Variants in EFNA5 observed in about 807,000 individuals in gnomAD.
The protein encoded by EFNA5 is ephrin A5.
In EFNA5, 5 loss-of-function variants were observed where a neutral mutation model predicts 22.9. That is an observed-to-expected ratio of 0.22 (90% CI 0.11 to 0.46). The LOEUF (loss-of-function observed/expected upper bound fraction) is 0.46. EFNA5 is among the 20% of genes least tolerant of loss of function. EFNA5 has a pLI of 0.99. For synonymous variants in EFNA5, 113 were observed against 112.2 expected, an observed-to-expected ratio of 1.01 and a Z score of -0.04; for missense variants, 237 against 293.3, an observed-to-expected ratio of 0.81 and a Z score of 1.40.
intron 1 of EFNA5, among the ~76,000 whole-genome samples, chr5:107,475,548 C>T (rs1186552111): frequency 6.6e-6 from 1 of 152,142 alleles, no homozygotes; most frequent in African/African-American, 2.4e-5. Context: ...TCAAGAGATT[C>T]TAAGGCTTTC....
intron 1 of EFNA5, among the ~76,000 whole-genome samples, chr5:107,613,442 C>T (rs76257220): frequency 1.3e-5 from 2 of 151,930 alleles, no homozygotes; most frequent in African/African-American, 4.8e-5. Flanking sequence ...GATGAAAACA[C>T]CAAAACCCCG....
At chr5:107,578,785 G>A (rs1261629593) in intron 1 of EFNA5, among the ~76,000 whole-genome samples, 4 of 152,122 alleles carry the variant, frequency 2.6e-5, no homozygotes, top group Non-Finnish European at 2.9e-5. Context: ...AACATGATTC[G>A]CAAAAGGAAA....
chr5:107,454,528 G>T (rs1261794519), intron 1 of EFNA5, among the ~76,000 whole-genome samples: 3 of 151,970 alleles, frequency 2.0e-5, no homozygotes, highest in African/African-American at 7.3e-5. Flanking sequence ...AGACTAAATG[G>T]TAATTTACTT....
rs374815052 is a variant in EFNA5, at chr5:107,544,954, T to G, written c.126-117445A>C. Among the ~76,000 whole-genome samples the G allele has an allele frequency of 9.2e-5, 14 of 152,388 alleles. No individual in the cohort carries two copies. The East Asian group carries it at 2.7e-3, about 29-fold the overall frequency. The stretch of plus-strand genomic sequence containing the variant: ...TCCCACAATGTCTACACTGTCATTT[T>G]AGTTATCACTGTCTACATCCCCATC... On this transcript the variant is annotated intron_variant, in intron 1 of 4. Coordinates refer to ENST00000333274, the MANE Select transcript of EFNA5 (RefSeq NM_001962.3).
intron 1 of EFNA5, among the ~76,000 whole-genome samples, chr5:107,576,565 C>T (rs1304521045): frequency 6.6e-6 from 1 of 152,172 alleles, no homozygotes; most frequent in East Asian, 1.9e-4. Context: ...AAGACTAATT[C>T]AGATATTTTC....
In EFNA5 at chr5:107,581,372, G is replaced by A. The variant is rs904015250; in HGVS notation, c.125+89117C>T. 7.2e-5 allele frequency among the ~76,000 whole-genome samples: 11 copies of A among 152,066 alleles called. No homozygotes were observed. In the East Asian group the frequency reaches 7.7e-4, roughly 11 times the overall value. ...ATTCATTATCATGGTCCTTTACCCC[G>A]GAGACATGAAGGAATAACAAAGAGC... is the stretch of plus-strand genomic sequence containing the variant. On this transcript the variant is annotated intron_variant, in intron 1 of 4. Transcript: ENST00000333274.
intron 1 of EFNA5, among the ~76,000 whole-genome samples, chr5:107,445,342 A>T (rs1311412747): frequency 6.6e-6 from 1 of 152,140 alleles, no homozygotes; most frequent in African/African-American, 2.4e-5. Flanking sequence ...GCCATTTGAG[A>T]TATAACTTTA....
chr5:107,603,751 GAGCTGTGACTTATGTT>G (rs1415540000), intron 1 of EFNA5, among the ~76,000 whole-genome samples: 1 of 152,184 alleles, frequency 6.6e-6, no homozygotes, highest in African/African-American at 2.4e-5. Context: ...TAACCGTGAG[GAGCTGTGACTTATGTT>G]AGCAAGTGAA....
At chr5:107,533,959 C>T (rs760965271) in intron 1 of EFNA5, among the ~76,000 whole-genome samples, 10 of 152,250 alleles carry the variant, frequency 6.6e-5, no homozygotes, top group Middle Eastern at 3.4e-3. Context: ...CATTTCTATT[C>T]GGAAAGCTTT....
At chr5:107,638,419 GATCT>G (rs1476841796) in intron 1 of EFNA5, among the ~76,000 whole-genome samples, 1 of 152,138 alleles carries the variant, frequency 6.6e-6, no homozygotes. Flanking sequence ...AAGTTCAAGA[GATCT>G]ATTATACAAC....
intron 1 of EFNA5, among the ~76,000 whole-genome samples, chr5:107,461,202 C>G (rs1307647602): frequency 6.6e-6 from 1 of 152,042 alleles, no homozygotes; most frequent in Non-Finnish European, 1.5e-5. Flanking sequence ...AGCAAAAGAA[C>G]AAAGATTAAG....
chr5:107,520,008 A>AC (rs1035008076), intron 1 of EFNA5, among the ~76,000 whole-genome samples: 1 of 152,144 alleles, frequency 6.6e-6, no homozygotes, highest in African/African-American at 2.4e-5. Context: ...AAGGGGGGAA[A>AC]CAGCCCTCCA....
At chr5:107,633,718 G>A (rs1214538347) in intron 1 of EFNA5, among the ~76,000 whole-genome samples, 4 of 152,144 alleles carry the variant, frequency 2.6e-5, no homozygotes, top group Admixed American at 2.0e-4. Context: ...TGACCAATTT[G>A]GGGACAGCAG....
At chr5:107,634,351 T>C (rs1258012737) in intron 1 of EFNA5, among the ~76,000 whole-genome samples, 1 of 152,128 alleles carries the variant, frequency 6.6e-6, no homozygotes, top group Non-Finnish European at 1.5e-5. Flanking sequence ...ACCTTGTCTC[T>C]ACAAAAGATT....
At chr5:107,550,831 T>C (rs1748278249) in intron 1 of EFNA5, among the ~76,000 whole-genome samples, 1 of 152,160 alleles carries the variant, frequency 6.6e-6, no homozygotes, top group Admixed American at 6.5e-5. Context: ...GTATTCTAGG[T>C]AGACTACAGT....
intron 1 of EFNA5, among the ~76,000 whole-genome samples, chr5:107,503,382 A>T (rs1000906815): frequency 1.8e-4 from 28 of 152,342 alleles, no homozygotes; most frequent in Admixed American, 3.9e-4. Flanking sequence ...TCCACTAAAA[A>T]TCTGTCATTC....
At chr5:107,658,312 C>G (rs1371291993) in intron 1 of EFNA5, among the ~76,000 whole-genome samples, 1 of 152,164 alleles carries the variant, frequency 6.6e-6, no homozygotes, top group Non-Finnish European at 1.5e-5. Context: ...TGCTTAATAT[C>G]TTTAGACATT....
At chr5:107,554,081 T>C (rs1748356450) in intron 1 of EFNA5, among the ~76,000 whole-genome samples, 1 of 152,168 alleles carries the variant, frequency 6.6e-6, no homozygotes, top group East Asian at 1.9e-4. Context: ...TGATAAAAAT[T>C]CTATATGCAG....
At chr5:107,563,389 T>C (rs1162100940) in intron 1 of EFNA5, among the ~76,000 whole-genome samples, 1 of 152,190 alleles carries the variant, frequency 6.6e-6, no homozygotes, top group African/African-American at 2.4e-5. Context: ...TTCCAAGTTC[T>C]TGGGACACCT....
Sources: gnomAD v4.1 joint callset for allele counts (sites outside exome capture counted in the v4.1 genomes callset) on GRCh38, gnomAD v4.1.1 for gene constraint, MANE v1.5 for transcripts, NCBI Gene and HGNC (gene_info 2026-07-23, HGNC 2026-07-21) for gene names.